Variants in RMDN2 observed in about 807,000 individuals in gnomAD.
The protein encoded by RMDN2 is regulator of microtubule dynamics 2.
A neutral mutation model predicts 52.8 loss-of-function variants in RMDN2; 61 were observed. That is an observed-to-expected ratio of 1.16 (90% CI 0.94 to 1.43). The LOEUF (loss-of-function observed/expected upper bound fraction) is 1.43, where lower values mean the gene tolerates loss of function less well. Among genes scored for constraint, RMDN2 ranks in the 40% most tolerant of loss-of-function variants. RMDN2 has a pLI of 0.00. For missense variants in RMDN2, 592 were observed against 475.3 expected (o/e 1.25, Z -2.28); for synonymous variants, 180 against 153.1 (o/e 1.18, Z -1.30).
intron 10 of RMDN2, among the ~76,000 whole-genome samples, chr2:38,060,002 A>C (rs1325239790): frequency 1.3e-5 from 2 of 151,946 alleles, no homozygotes. Context: ...GGTTCAAATG[A>C]TTTTCCTGCC....
chr2:38,065,249 C>T (rs1013770750), intron 10 of RMDN2, among the ~76,000 whole-genome samples: 7 of 151,656 alleles, frequency 4.6e-5, no homozygotes, highest in Non-Finnish European at 7.4e-5. Context: ...TAAAGTAAAA[C>T]ATATATATTC....
chr2:37,968,926 T>C (rs1218972777), intron 2 of RMDN2, among the ~76,000 whole-genome samples: 2 of 152,222 alleles, frequency 1.3e-5, no homozygotes, highest in Non-Finnish European at 2.9e-5. Context: ...TGCATGGATA[T>C]GCCCTATTTT....
intron 2 of RMDN2, among the ~76,000 whole-genome samples, chr2:37,970,621 A>G (rs78683282): frequency 0.015 from 2,208 of 152,276 alleles, 54 homozygotes; most frequent in African/African-American, 0.049. Context: ...ATTTGGATAT[A>G]TGGCAGATTT....
downstream of RMDN2, among the ~76,000 whole-genome samples, chr2:38,021,935 A>G (rs898661079): frequency 1.3e-5 from 2 of 152,240 alleles, no homozygotes; most frequent in African/African-American, 4.8e-5. Context: ...CCCCTGCTAT[A>G]GAGGATACAT....
intron 4 of RMDN2, 138 bp downstream of exon 4, chr2:37,975,452 C>A: frequency 1.9e-6 from 1 of 538,702 alleles, no homozygotes; most frequent in South Asian, 2.0e-5. Flanking sequence ...CAAACTAACA[C>A]AAGAACAGAA....
intron 10 of RMDN2, among the ~76,000 whole-genome samples, chr2:38,010,234 G>T (rs901609730): frequency 6.6e-6 from 1 of 152,198 alleles, no homozygotes; most frequent in African/African-American, 2.4e-5. Flanking sequence ...ACTCTCTTCA[G>T]TGCTGTCAGA....
At chr2:37,981,670 C>T (rs114235070) in intron 5 of RMDN2, among the ~76,000 whole-genome samples, 1,882 of 152,202 alleles carry the variant, frequency 0.012, 20 homozygotes, top group Middle Eastern at 0.027. Flanking sequence ...TAGCATGTTT[C>T]TAAATGAAAT....
chr2:37,970,303 T>G (rs1187160267), intron 2 of RMDN2, among the ~76,000 whole-genome samples: 2 of 152,194 alleles, frequency 1.3e-5, no homozygotes, highest in Non-Finnish European at 2.9e-5. Flanking sequence ...TTTTTGGTAA[T>G]GACTGAATTG....
intron 2 of RMDN2, among the ~76,000 whole-genome samples, chr2:37,946,460 C>T (rs1466481259): frequency 6.6e-6 from 1 of 152,202 alleles, no homozygotes; most frequent in Non-Finnish European, 1.5e-5. Context: ...ACTTTGACCT[C>T]CTTAAGAATC....
chr2:37,988,804 T>C (rs1674380832), intron 5 of RMDN2, among the ~76,000 whole-genome samples: 1 of 152,194 alleles, frequency 6.6e-6, no homozygotes, highest in South Asian at 2.1e-4. Flanking sequence ...AAAAGCAACA[T>C]ATCTTCAATT....
intron 10 of RMDN2, among the ~76,000 whole-genome samples, chr2:38,063,989 T>C (rs1180051525): frequency 1.4e-5 from 2 of 140,060 alleles, no homozygotes; most frequent in Non-Finnish European, 2.9e-5. Context: ...TGTGTGTATG[T>C]GTGTGTGTGT....
intron 2 of RMDN2, among the ~76,000 whole-genome samples, chr2:37,933,591 G>A (rs1042132733): frequency 1.3e-5 from 2 of 152,256 alleles, no homozygotes; most frequent in African/African-American, 4.8e-5. Context: ...CCAACACAGC[G>A]AAACCCCGTC....
intron 10 of RMDN2, among the ~76,000 whole-genome samples, chr2:38,039,093 C>CACACAGAG (rs1317093706): frequency 3.3e-5 from 3 of 91,690 alleles, no homozygotes; most frequent in African/African-American, 9.2e-5. Context: ...CACACACACA[C>CACACAGAG]AGAGAGAGAG....
At chr2:37,975,370 T>C (rs1483227510) in intron 4 of RMDN2, 56 bp downstream of exon 4, 1 of 1,021,322 alleles carries the variant, frequency 9.8e-7, no homozygotes, top group Non-Finnish European at 1.5e-6. Context: ...TAGTAAATCA[T>C]GCAGCCGTAA....
At chr2:37,940,435 C>T (rs1484647669) in intron 2 of RMDN2, among the ~76,000 whole-genome samples, 5 of 152,142 alleles carry the variant, frequency 3.3e-5, no homozygotes, top group African/African-American at 1.2e-4. Context: ...GCCTGTCTTG[C>T]TATGTTGGGG....
intron 2 of RMDN2, among the ~76,000 whole-genome samples, chr2:37,971,683 T>C (rs1056749559): frequency 1.5e-4 from 23 of 152,182 alleles, no homozygotes; most frequent in Admixed American, 1.1e-3. Flanking sequence ...TGGGTCTGTT[T>C]CTAGGCTCTG....
chr2:37,992,725 A>G (rs1280535643), intron 7 of RMDN2, among the ~76,000 whole-genome samples: 1 of 152,232 alleles, frequency 6.6e-6, no homozygotes, highest in Non-Finnish European at 1.5e-5. Context: ...AACAAAGAAT[A>G]AAAAGCAGTA....
chr2:37,925,080 G>C (rs1383022433), upstream of RMDN2, among the ~76,000 whole-genome samples: 2 of 152,210 alleles, frequency 1.3e-5, no homozygotes, highest in Admixed American at 1.3e-4. Context: ...GAGCCCAGGC[G>C]GGGGAAAAGG....
At chr2:37,932,842 G>A (rs1279339355) in intron 2 of RMDN2, among the ~76,000 whole-genome samples, 4 of 139,560 alleles carry the variant, frequency 2.9e-5, no homozygotes, top group Non-Finnish European at 6.3e-5. Context: ...CCTCCCGGAC[G>A]GGGCGGCTGG....
Sources: gnomAD v4.1 joint callset for allele counts (sites outside exome capture counted in the v4.1 genomes callset) on GRCh38, gnomAD v4.1.1 for gene constraint, MANE v1.5 for transcripts, NCBI Gene and HGNC (gene_info 2026-07-23, HGNC 2026-07-21) for gene names.